The following HDAC8 variants were observed in gnomAD, a reference collection of about 807,000 sequenced individuals.
HDAC8 encodes histone deacetylase-like 1.
In HDAC8, 1 loss-of-function variant was observed where a neutral mutation model predicts 32.2. The observed-to-expected ratio is 0.03, with a 90% CI of 0.01 to 0.15. The LOEUF (loss-of-function observed/expected upper bound fraction) is 0.15. Ranked by LOEUF, HDAC8 falls within the 10% of genes least tolerant of loss-of-function variation. The pLI is 1.00. For synonymous variants in HDAC8, 108 were observed against 113.9 expected (o/e 0.95, Z 0.33); for missense variants, 117 against 300.0 (o/e 0.39, Z 4.51).
At chrX:72,543,967 G>A (rs782236494) in intron 4 of HDAC8, among the ~76,000 whole-genome samples, 33 of 112,711 alleles carry the variant, frequency 2.9e-4, no homozygotes, top group Admixed American at 4.7e-4. Flanking sequence ...GGATCTTTAC[G>A]TTCTACACGT....
intron 7 of HDAC8, among the ~76,000 whole-genome samples, chrX:72,472,486 T>C (rs953144573): frequency 1.8e-5 from 2 of 112,049 alleles, no homozygotes; most frequent in Non-Finnish European, 3.8e-5. Context: ...TGACTATAAT[T>C]GTGGGGGTTA....
intron 9 of HDAC8, among the ~76,000 whole-genome samples, chrX:72,355,131 C>A (rs2044294742): frequency 8.9e-6 from 1 of 112,521 alleles, no homozygotes; most frequent in African/African-American, 3.2e-5. Flanking sequence ...GAGAAACTGA[C>A]TTCTCTCATA....
At position 72,568,851 on chromosome X, in the gene HDAC8, C is replaced by G; in HGVS notation, c.198G>C (p.Glu66Asp). The stretch of plus-strand genomic sequence containing the variant: ...AAGCATCAGTGTGGAAGGTGGCCAT[C>G]TCCTCCATGGAGGCCACTTTAGGCT... ...IVKPKVASME[E>D]MATFHTDAYL... The change falls in exon 3 of 11, where the codon GAG becomes GAC. Residue 66 changes from glutamate to aspartate, a missense_variant. Physicochemically the swap from Glu to Asp is conservative, Grantham distance 45 (BLOSUM62 2). This residue lies in a region of HDAC8 where 37 missense variants were observed against 53.1 expected (regional missense o/e 0.70). Transcript: ENST00000373573. The G allele has an allele frequency of 2.5e-6, 3 of 1,210,810 alleles. No individual in the cohort carries two copies. Among genetic ancestry groups the G allele is most frequent in the Non-Finnish European group, 3.4e-6 (3 of 894,921 alleles).
chrX:72,376,255 C>T (rs2045072427), intron 9 of HDAC8, among the ~76,000 whole-genome samples: 1 of 111,371 alleles, frequency 9.0e-6, no homozygotes, highest in Admixed American at 9.5e-5. Flanking sequence ...AATATCTCCA[C>T]TGTCGTTCCT....
intron 9 of HDAC8, among the ~76,000 whole-genome samples, chrX:72,359,013 C>T (rs1384019916): frequency 1.8e-5 from 2 of 110,751 alleles, no homozygotes; most frequent in South Asian, 3.9e-4. Context: ...AACAGGCCAC[C>T]AGCCCCGTGG....
chrX:72,330,006 T>C lies in HDAC8; in HGVS notation c.*48A>G. On this transcript the variant is annotated 3_prime_UTR_variant, in exon 11 of 11. Coordinates refer to ENST00000373573, the MANE Select transcript of HDAC8 (RefSeq NM_018486.3). ...TGCTTGCATAAACACGCTGTCTTCA[T>C]TATAGGCACCACTCCTCAGCTCTGG... The C allele has an allele frequency of 8.9e-7, 1 of 1,129,371 alleles. No individual in the cohort carries two copies. The highest frequency in any genetic ancestry group is 2.2e-5 in the Admixed American group (1 of 45,110). The allele number at this position is 1,129,371 out of a possible 1,213,427, so 93.1% of individuals were successfully genotyped here.
intron 4 of HDAC8, among the ~76,000 whole-genome samples, chrX:72,556,611 T>A (rs898190518): frequency 9.0e-6 from 1 of 111,452 alleles, no homozygotes. Flanking sequence ...TATTCTTATA[T>A]CAGACAAAAC....
chrX:72,339,518 C>G (rs1555944281), intron 10 of HDAC8, among the ~76,000 whole-genome samples: 2 of 112,198 alleles, frequency 1.8e-5, no homozygotes, highest in Non-Finnish European at 3.8e-5. Flanking sequence ...GAAGAATGTT[C>G]CAGGCAGCAG....
intron 4 of HDAC8, among the ~76,000 whole-genome samples, chrX:72,525,066 T>C (rs1176836439): frequency 8.9e-6 from 1 of 112,051 alleles, no homozygotes; most frequent in Non-Finnish European, 1.9e-5. Flanking sequence ...TTGACTCTTC[T>C]ATGATACTAG....
chrX:72,559,196 C>G (rs1490954664), intron 4 of HDAC8, among the ~76,000 whole-genome samples: 7 of 104,985 alleles, frequency 6.7e-5, no homozygotes, highest in African/African-American at 1.0e-4. Flanking sequence ...CTCAGCCTGC[C>G]GAGTGCCTGG....
At chrX:72,364,640 G>A (rs1395695785) in intron 9 of HDAC8, among the ~76,000 whole-genome samples, 1 of 111,428 alleles carries the variant, frequency 9.0e-6, no homozygotes, top group African/African-American at 3.3e-5. Flanking sequence ...GTGTGTTTAT[G>A]CTTTGTTTAG....
intron 4 of HDAC8, among the ~76,000 whole-genome samples, chrX:72,563,170 C>T (rs1438380744): frequency 8.9e-6 from 1 of 111,928 alleles, no homozygotes; most frequent in Non-Finnish European, 1.9e-5. Context: ...GCATGAGCCA[C>T]TGCACCCAGC....
At chrX:72,352,178 T>C (rs2044201217) in intron 9 of HDAC8, among the ~76,000 whole-genome samples, 1 of 111,677 alleles carries the variant, frequency 9.0e-6, no homozygotes, top group Non-Finnish European at 1.9e-5. Flanking sequence ...CCGTGCTTTC[T>C]CTTTCCTTAG....
In HDAC8 at chrX:72,446,558, A is replaced by G. The variant is rs782580717; in HGVS notation, c.1005+15446T>C. On this transcript the variant is annotated intron_variant, in intron 9 of 10. Coordinates refer to ENST00000373573, the MANE Select transcript of HDAC8 (RefSeq NM_018486.3). ...TGCGGGGTGGGGGAACGGGGGAGGGATAGCATTAGGAGATATACCTAATGC... is the reference window on the plus strand; with the variant it reads ...TGCGGGGTGGGGGAACGGGGGAGGGGTAGCATTAGGAGATATACCTAATGC... 5.3e-3 allele frequency among the ~76,000 whole-genome samples: 587 copies of G among 110,798 alleles called. 2 individuals carry two copies. Among genetic ancestry groups the G allele is most frequent in the African/African-American group, 0.018 (539 of 30,454 alleles).
chrX:72,564,043 C>T (rs1350164059), intron 4 of HDAC8, among the ~76,000 whole-genome samples: 1 of 111,056 alleles, frequency 9.0e-6, no homozygotes, highest in Admixed American at 9.6e-5. Context: ...GCCTGTAATC[C>T]CAGCTACTCA....
intron 7 of HDAC8, chrX:72,474,280 T>C (rs1033958892): frequency 1.4e-4 from 102 of 732,699 alleles, no homozygotes; most frequent in Non-Finnish European, 1.4e-4. Flanking sequence ...TGTGTGAATA[T>C]GAAAATCAAT....
chrX:72,394,609 T>C (rs1338866006), intron 9 of HDAC8, among the ~76,000 whole-genome samples: 1 of 112,319 alleles, frequency 8.9e-6, no homozygotes, highest in Non-Finnish European at 1.9e-5. Flanking sequence ...GGCACAGTTA[T>C]GGAGCCCTGA....
At chrX:72,354,708 C>A (rs976818279) in intron 9 of HDAC8, among the ~76,000 whole-genome samples, 39 of 111,172 alleles carry the variant, frequency 3.5e-4, no homozygotes, top group African/African-American at 1.2e-3. Flanking sequence ...TTTGGGGGTA[C>A]AAGTAGTTTT....
chrX:72,349,639 T>G (rs1038148479), intron 10 of HDAC8, among the ~76,000 whole-genome samples: 2 of 112,130 alleles, frequency 1.8e-5, no homozygotes, highest in Non-Finnish European at 3.8e-5. Context: ...ACCCTCGTCC[T>G]AGCCTTTTAT....
Sources: allele counts gnomAD v4.1 joint callset (sites outside exome capture counted in the v4.1 genomes callset), GRCh38; gene constraint gnomAD v4.1.1; regional missense constraint gnomAD v4.1.1; transcripts MANE v1.5; gene names NCBI Gene and HGNC (gene_info 2026-07-23, HGNC 2026-07-21).